The following ADGRD2 variants were observed in gnomAD, a reference collection of about 807,000 sequenced individuals.
ADGRD2 encodes G protein-coupled receptor PGR24.
ADGRD2 carries 71 observed loss-of-function variants against 44.4 expected under a neutral mutation model. The observed-to-expected ratio is 1.60, with a 90% CI of 1.32 to 1.95. The LOEUF is 1.95. Among genes scored for constraint, ADGRD2 ranks in the 30% most tolerant of loss-of-function variants. ADGRD2 has a pLI of 0.00. For missense variants in ADGRD2, 1,039 were observed against 512.4 expected (o/e 2.03, Z -9.92); for synonymous variants, 481 against 224.8 (o/e 2.14, Z -10.19).
chr9:124,463,043 T>C (rs1169988810), intron 10 of ADGRD2, among the ~76,000 whole-genome samples: 1 of 152,104 alleles, frequency 6.6e-6, no homozygotes, highest in Non-Finnish European at 1.5e-5. Flanking sequence ...CAATGTTGAA[T>C]TGGAGTGGTG....
chr9:124,468,736 C>A, intron 14 of ADGRD2, 64 bp downstream of exon 17: 1 of 659,730 alleles, frequency 1.5e-6, no homozygotes, highest in South Asian at 1.7e-5. Context: ...CCGACCCTGC[C>A]ATCTAACATG....
intron 11 of ADGRD2, chr9:124,467,482 G>A: frequency 1.9e-6 from 1 of 515,472 alleles, no homozygotes; most frequent in Non-Finnish European, 3.5e-6. Flanking sequence ...CTTAGTAATT[G>A]TCCAGTTGGT....
At chr9:124,452,449 G>A in intron 1 of ADGRD2, 61 bp from the exon 5 acceptor site, 1 of 717,032 alleles carries the variant, frequency 1.4e-6, no homozygotes, top group Non-Finnish European at 2.6e-6. Context: ...GCTCCGCCCA[G>A]CCCTGGAAGA....
rs200974135 is a variant in ADGRD2 at position 124,462,647 on chromosome 9, T to C, written c.1871-3611T>C. ...GTTAAATATATGCCTAAGTATTACATAAGTTTTGGATATTACCGGAAATGA... is the reference window on the plus strand; with the variant it reads ...GTTAAATATATGCCTAAGTATTACACAAGTTTTGGATATTACCGGAAATGA... On this transcript the variant is annotated intron_variant, in intron 10 of 21. Coordinates refer to ENST00000334810, the Ensembl canonical transcript of ADGRD2. 4.8e-4 allele frequency among the ~76,000 whole-genome samples: 7 copies of C among 14,702 alleles called. No individual in the cohort carries two copies. The African/African-American group carries it at 0.015, about 31-fold the overall frequency. The allele number at this position is 14,702 out of a possible 152,430, so 9.6% of individuals were successfully genotyped here.
intron 16 of ADGRD2, among the ~76,000 whole-genome samples, 157 bp downstream of exon 19, chr9:124,469,704 G>A (rs776140918): frequency 5.3e-5 from 8 of 152,266 alleles, no homozygotes; most frequent in Non-Finnish European, 1.2e-4. Flanking sequence ...GGGTACACAC[G>A]TGTCCCTGCA....
chr9:124,472,437 T>G (rs1450466649), intron 17 of ADGRD2, among the ~76,000 whole-genome samples: 1 of 149,818 alleles, frequency 6.7e-6, no homozygotes, highest in Non-Finnish European at 1.5e-5. Context: ...GGTTTGTTTT[T>G]TTGTTTGTTT....
rs576746540 is a variant in ADGRD2, at chr9:124,466,107, C to T, written c.1871-151C>T. On this transcript the variant is annotated intron_variant, in intron 10 of 21. Transcript: ENST00000334810. ...TCCTAAGAATGTCAAGCACATTTTA[C>T]AGGTGAAAAACTGAGACCCAGGAAG... The T allele has an allele frequency of 1.4e-4, 64 of 453,194 alleles. 1 individual carries two copies. The South Asian group carries it at 4.1e-3, about 29-fold the overall frequency. 28.1% of individuals were successfully genotyped at this position (453,194 alleles called of 1,614,324 possible).
intron 19 of ADGRD2, among the ~76,000 whole-genome samples, chr9:124,476,018 C>T (rs939422934): frequency 4.6e-5 from 7 of 152,206 alleles, no homozygotes; most frequent in African/African-American, 1.2e-4. Context: ...GCCTGGCCCA[C>T]GCATGGGGCT....
rs1410559535 is a variant in ADGRD2 at position 124,456,706 on chromosome 9, C to T, written c.1480C>T (p.Arg494Ter). ...CACCTCAATGACCTCAGAGCGGCCC[C>T]GAATGCGCATCCAGCACCGCCATGC... is the stretch of plus-strand genomic sequence containing the variant. Residue 494 changes from arginine to a stop codon, truncating the protein, a stop_gained, in exon 7 of 22, where the codon CGA becomes TGA. Transcript: ENST00000334810. LOFTEE classifies it high-confidence loss of function. The T allele has an allele frequency of 2.8e-6, 2 of 712,020 alleles. No individual in the cohort carries two copies. The highest frequency in any genetic ancestry group is 1.5e-5 in the South Asian group (1 of 67,596). The allele number at this position is 712,020 out of a possible 1,614,324, so 44.1% of individuals were successfully genotyped here.
At chr9:124,468,623 G>T in exon 14 of ADGRD2, 1 of 718,242 alleles carries the variant, frequency 1.4e-6, no homozygotes, top group Non-Finnish European at 2.6e-6. Flanking sequence ...TGGTAGCTGT[G>T]AGCATGCACC....
At chr9:124,452,403 C>T in intron 1 of ADGRD2, 107 bp from the exon 5 acceptor site, 1 of 699,700 alleles carries the variant, frequency 1.4e-6, no homozygotes, top group Non-Finnish European at 2.7e-6. Flanking sequence ...GGTTCAGCCC[C>T]ATCCAGCCCG....
chr9:124,468,368 G>A (rs547621304), intron 13 of ADGRD2, 151 bp from the exon 17 acceptor site: 33 of 677,110 alleles, frequency 4.9e-5, no homozygotes, highest in East Asian at 4.3e-4. Context: ...GAAAGGCCCC[G>A]AATGGTGGAG....
exon 3 of ADGRD2, chr9:124,453,473 G>A (rs1216848290): frequency 2.8e-6 from 2 of 702,970 alleles, no homozygotes; most frequent in Non-Finnish European, 5.2e-6. Flanking sequence ...GACTCTCTGG[G>A]CGGTGGCTTC....
At chr9:124,457,153 G>A (rs760279796) in intron 7 of ADGRD2, among the ~76,000 whole-genome samples, 22 of 152,252 alleles carry the variant, frequency 1.4e-4, no homozygotes, top group Non-Finnish European at 3.1e-4. Flanking sequence ...CTCCGTGAAT[G>A]TTTGTAGCCT....
intron 10 of ADGRD2, among the ~76,000 whole-genome samples, chr9:124,459,853 C>G (rs1831694356): frequency 6.6e-6 from 1 of 152,082 alleles, no homozygotes; most frequent in South Asian, 2.1e-4. Flanking sequence ...TTTTGGCATC[C>G]TTGGGGGTCC....
intron 17 of ADGRD2, among the ~76,000 whole-genome samples, chr9:124,473,422 C>T (rs184338701): frequency 2.6e-4 from 40 of 152,346 alleles, no homozygotes; most frequent in Admixed American, 1.2e-3. Context: ...TCCGTTTCTA[C>T]GTCTAACCAA....
exon 3 of ADGRD2, chr9:124,453,615 G>C: frequency 1.4e-6 from 1 of 700,952 alleles, no homozygotes; most frequent in African/African-American, 1.8e-5. Context: ...GCTGGGACCC[G>C]GGCGCCCTGG....
rs1831579116 is a variant in ADGRD2 at position 124,454,657 on chromosome 9, C to T, written c.1108+88C>T. On this transcript the variant is annotated intron_variant, in intron 5 of 21. Transcript: ENST00000334810. This position sits in a 1 kb window ranked among gnomAD's most constrained non-coding sequence, Gnocchi z 4.5. Reference sequence around the variant, plus strand: ...GTTTCCTCCCTTGTAAAGGGGACACCCACCTGGTGTGTCTGCAGGAATAAA... The same window carrying T: ...GTTTCCTCCCTTGTAAAGGGGACACTCACCTGGTGTGTCTGCAGGAATAAA... The T allele has an allele frequency of 1.5e-6, 1 of 672,940 alleles. No homozygotes were observed. The highest frequency in any genetic ancestry group is 1.8e-5 in the African/African-American group (1 of 56,568). The allele number at this position is 672,940 out of a possible 1,614,324, so 41.7% of individuals were successfully genotyped here.
chr9:124,453,052 G>A (rs988949042), exon 3 of ADGRD2: 9 of 674,578 alleles, frequency 1.3e-5, no homozygotes, highest in Non-Finnish European at 2.4e-5. Context: ...CACCACCGCC[G>A]TGCTGGTGTT....
Sources: gnomAD v4.1 joint callset for allele counts (sites outside exome capture counted in the v4.1 genomes callset) on GRCh38, gnomAD v4.1.1 for gene constraint, Gnocchi (gnomAD v3.1) non-coding constraint, MANE v1.5 for transcripts, NCBI Gene and HGNC (gene_info 2026-07-23, HGNC 2026-07-21) for gene names.